PALLD: variants seen among roughly 807,000 people sequenced by gnomAD.
PALLD encodes palladin.
In PALLD, 61 loss-of-function variants were observed where a neutral mutation model predicts 123.5. That is an observed-to-expected ratio of 0.49 (90% CI 0.40 to 0.61). PALLD has a LOEUF of 0.61. PALLD is among the 20% of genes least tolerant of loss of function. The pLI, the probability that PALLD is intolerant of heterozygous loss-of-function variation, is 0.00. For missense variants in PALLD, 1,273 were observed against 1,377.0 expected (o/e 0.92, Z 1.20); for synonymous variants, 465 against 496.4 (o/e 0.94, Z 0.84).
intron 2 of PALLD, chr4:168,598,507 G>T: frequency 2.1e-6 from 1 of 483,492 alleles, no homozygotes; most frequent in Non-Finnish European, 4.1e-6. Context: ...GAGGAGCAGA[G>T]AGAGGTAATT....
intron 2 of PALLD, among the ~76,000 whole-genome samples, chr4:168,629,094 G>T (rs1028808054): frequency 6.7e-6 from 1 of 149,620 alleles, no homozygotes; most frequent in Middle Eastern, 3.3e-3. Context: ...TCAGCTCACT[G>T]CAATCTCTGC....
intron 10 of PALLD, among the ~76,000 whole-genome samples, chr4:168,737,042 A>G (rs887783196): frequency 6.6e-6 from 1 of 152,210 alleles, no homozygotes; most frequent in Non-Finnish European, 1.5e-5. Flanking sequence ...TTGGAGCACA[A>G]TTGGAATATG....
chr4:168,802,276 A>G (rs1739454059), intron 10 of PALLD, among the ~76,000 whole-genome samples: 1 of 152,240 alleles, frequency 6.6e-6, no homozygotes, highest in African/African-American at 2.4e-5. Flanking sequence ...AAACAAATCT[A>G]CGTGAACTAG....
rs573445260 is a variant in PALLD, at chr4:168,690,845, G to T, written c.1477+101G>T. On this transcript the variant is annotated intron_variant, in intron 7 of 21. Transcript: ENST00000505667. ...GTCATTAAGATGAATTGATCTCTATGTTCAAAGAGTGGCAGGATCAGATAA... is the reference window on the plus strand; with the variant it reads ...GTCATTAAGATGAATTGATCTCTATTTTCAAAGAGTGGCAGGATCAGATAA... 2.3e-5 allele frequency: 27 copies of T among 1,198,216 alleles called. No homozygotes were observed. In the South Asian group the frequency reaches 3.2e-4, roughly 14 times the overall value. The allele number at this position is 1,198,216 out of a possible 1,614,324, so 74.2% of individuals were successfully genotyped here.
chr4:168,529,726 C>T (rs1239058738), intron 2 of PALLD, among the ~76,000 whole-genome samples: 1 of 152,134 alleles, frequency 6.6e-6, no homozygotes, highest in African/African-American at 2.4e-5. Context: ...TCAAATAAAG[C>T]TGTTATAATT....
chr4:168,887,148 G>A (rs1403454493), intron 10 of PALLD, among the ~76,000 whole-genome samples: 5 of 147,660 alleles, frequency 3.4e-5, no homozygotes, highest in African/African-American at 1.2e-4. Flanking sequence ...AGAAAAAGTA[G>A]AATAATCAGT....
At chr4:168,891,706 G>A (rs1754175436) in intron 11 of PALLD, among the ~76,000 whole-genome samples, 1 of 151,690 alleles carries the variant, frequency 6.6e-6, no homozygotes, top group African/African-American at 2.4e-5. Context: ...AAGGAACACA[G>A]GGATTCCATT....
intron 10 of PALLD, among the ~76,000 whole-genome samples, chr4:168,730,889 A>G (rs1285446732): frequency 6.6e-6 from 1 of 152,170 alleles, no homozygotes. Flanking sequence ...CTGCTGTGCC[A>G]GATGTTTCCG....
At chr4:168,709,517 AGG>A in intron 9 of PALLD, among the ~76,000 whole-genome samples, 1 of 328 alleles carries the variant, frequency 3.0e-3, no homozygotes, top group Admixed American at 0.026. Context: ...CAAGGAAGGA[AGG>A]AAGGAAGGAA....
At chr4:168,911,738 T>C (rs1560907900) in intron 15 of PALLD, among the ~76,000 whole-genome samples, 1 of 152,214 alleles carries the variant, frequency 6.6e-6, no homozygotes, top group Non-Finnish European at 1.5e-5. Context: ...CTGTATCAAG[T>C]GGCCTGTGCT....
intron 2 of PALLD, among the ~76,000 whole-genome samples, chr4:168,609,872 A>G (rs1351472902): frequency 6.6e-6 from 1 of 152,132 alleles, no homozygotes; most frequent in Non-Finnish European, 1.5e-5. Context: ...TTCTATATCA[A>G]TGCAGATATT....
intron 10 of PALLD, among the ~76,000 whole-genome samples, chr4:168,772,956 G>A (rs1734653495): frequency 6.6e-6 from 1 of 152,152 alleles, no homozygotes; most frequent in Non-Finnish European, 1.5e-5. Flanking sequence ...TGGGCATGGA[G>A]TGGGTCACTG....
chr4:168,667,204 C>T (rs889664750), intron 2 of PALLD, among the ~76,000 whole-genome samples: 8 of 152,038 alleles, frequency 5.3e-5, no homozygotes, highest in African/African-American at 1.7e-4. Context: ...ACATGTCTTC[C>T]GTGTCATATT....
chr4:168,778,168 T>G (rs1735433966), intron 10 of PALLD, among the ~76,000 whole-genome samples: 1 of 152,146 alleles, frequency 6.6e-6, no homozygotes, highest in Non-Finnish European at 1.5e-5. Flanking sequence ...TCTAGAGAAG[T>G]CTTCAAATAT....
chr4:168,806,530 ACT>A (rs1170685657), intron 10 of PALLD, among the ~76,000 whole-genome samples: 2 of 152,092 alleles, frequency 1.3e-5, no homozygotes, highest in Non-Finnish European at 2.9e-5. Flanking sequence ...AGCCTGTGGA[ACT>A]CTGAGTCAAT....
At position 168,914,014 on chromosome 4, in the gene PALLD, G is replaced by A; in HGVS notation, c.2710G>A (p.Val904Ile). 1 of 1,590,146 alleles carries A rather than the reference G, an allele frequency of 6.3e-7. No homozygotes were observed. Among genetic ancestry groups the A allele is most frequent in the Non-Finnish European group, 8.6e-7 (1 of 1,158,344 alleles). Residue 904 changes from valine (V) to isoleucine (I), a missense_variant, in exon 16 of 22, where the codon GTC becomes ATC. Physicochemically the swap from Val to Ile is conservative, Grantham distance 29. Transcript: ENST00000505667. ...CCGGTCTCCCTCAGGCCATCCTCAT[G>A]TCAGAAGGTATTTAACATGTTCCTT... is the stretch of plus-strand genomic sequence containing the variant. ...SPRSPSGHPH[V>I]RRPRSRSRDS...
intron 2 of PALLD, among the ~76,000 whole-genome samples, chr4:168,582,780 G>T (rs1770421206): frequency 6.6e-6 from 1 of 152,114 alleles, no homozygotes; most frequent in African/African-American, 2.4e-5. Flanking sequence ...AATCTCACTT[G>T]ATCCTGATGT....
chr4:168,521,996 T>TC (rs1194318327), intron 2 of PALLD, among the ~76,000 whole-genome samples: 2 of 152,186 alleles, frequency 1.3e-5, no homozygotes, highest in African/African-American at 4.8e-5. Context: ...ACTAATTATC[T>TC]CCCCATCCTC....
chr4:168,804,392 C>A (rs1739830147), intron 10 of PALLD, among the ~76,000 whole-genome samples: 1 of 152,216 alleles, frequency 6.6e-6, no homozygotes. Flanking sequence ...AGAGGAACTA[C>A]AAGGAGAATC....
Sources: allele counts gnomAD v4.1 joint callset (sites outside exome capture counted in the v4.1 genomes callset), GRCh38; gene constraint gnomAD v4.1.1; transcripts MANE v1.5; gene names NCBI Gene and HGNC (gene_info 2026-07-23, HGNC 2026-07-21).